MRGPRF: variants seen among roughly 807,000 people sequenced by gnomAD.
MRGPRF encodes MAS related GPR family member F.
In MRGPRF, 2 loss-of-function variants were observed where a neutral mutation model predicts 3.3. The observed-to-expected ratio is 0.61, with a 90% CI of 0.25 to 1.92. The LOEUF is 1.92. Among genes scored for constraint, MRGPRF ranks in the 40% most tolerant of loss-of-function variants. MRGPRF has a pLI of 0.16. For missense variants in MRGPRF, 500 were observed against 476.0 expected (o/e 1.05, Z -0.47); for synonymous variants, 242 against 222.7 (o/e 1.09, Z -0.77).
rs559563454 is a variant in MRGPRF at position 69,009,921 on chromosome 11, G to A, written c.-20C>T. The A allele has an allele frequency of 3.8e-6, 6 of 1,598,068 alleles. No homozygotes were observed. Among genetic ancestry groups the A allele is most frequent in the African/African-American group, 2.7e-5 (2 of 74,904 alleles). ...AGCCATCTCCAGGCCTGGCGCGTCT[G>A]GGCCCCTGCTGGCAGCTCACCAGTC... On this transcript the variant is annotated 5_prime_UTR_variant, in exon 2 of 3. Coordinates refer to ENST00000309099, the MANE Select transcript of MRGPRF (RefSeq NM_145015.5).
chr11:69,005,612 C>A lies in MRGPRF; in HGVS notation c.698G>T (p.Arg233Leu), dbSNP rs367925816. The A allele has an allele frequency of 1.8e-5, 28 of 1,566,352 alleles. No homozygotes were observed. The highest frequency in any genetic ancestry group is 5.4e-5 in the African/African-American group (4 of 73,570). The change falls in exon 3 of 3, where the codon CGC becomes CTC. Residue 233 changes from arginine to leucine, a missense_variant. Arg to Leu is a moderately radical substitution (Grantham distance 102). Coordinates refer to ENST00000309099, the MANE Select transcript of MRGPRF (RefSeq NM_145015.5). Reference sequence around the variant, plus strand: ...GATGACGTGGTTGAGCTTGGCAGAGCGCTGGCGCCGTCGGGCCCGGCACTC... The same window carrying A: ...GATGACGTGGTTGAGCTTGGCAGAGAGCTGGCGCCGTCGGGCCCGGCACTC... ...HVECRARRRQ[R>L]SAKLNHVILA... is the part of the protein sequence containing the mutation.
At chr11:69,010,293 G>C (rs1419972804) in intron 1 of MRGPRF, among the ~76,000 whole-genome samples, 1 of 152,296 alleles carries the variant, frequency 6.6e-6, no homozygotes, top group East Asian at 1.9e-4. Context: ...CACATTTTTG[G>C]GGCACTTCCT....
intron 1 of MRGPRF, among the ~76,000 whole-genome samples, chr11:69,010,495 C>T (rs1461156520): frequency 6.6e-6 from 1 of 152,224 alleles, no homozygotes; most frequent in Admixed American, 6.5e-5. Context: ...ACAGCCCGGT[C>T]ATCAGCATCA....
intron 1 of MRGPRF, among the ~76,000 whole-genome samples, chr11:69,010,393 G>A (rs1860570743): frequency 6.6e-6 from 1 of 152,240 alleles, no homozygotes; most frequent in Non-Finnish European, 1.5e-5. Flanking sequence ...CTGGCAGGGG[G>A]AACCTGCTGG....
Position 69,006,005 on chromosome 11 carries a change from A to C in MRGPRF, c.305T>G (p.Leu102Arg), listed in dbSNP as rs1159075967. ...CGTGCCCAGGAAGCCCCCCGTGTTC[A>C]GGATGGAGAACACCGCCTTGCTGAA... The part of the protein sequence containing the change: ...YLFSKAVFSI[L>R]NTGGFLGTFA... The change falls in exon 3 of 3, where the codon CTG (leucine) becomes CGG (arginine). Residue 102 changes from leucine to arginine, a missense_variant. Coordinates refer to ENST00000309099, the MANE Select transcript of MRGPRF (RefSeq NM_145015.5). 6.4e-7 allele frequency: 1 copy of C among 1,568,252 alleles called. No homozygotes were observed. Among genetic ancestry groups the C allele is most frequent in the Non-Finnish European group, 8.6e-7 (1 of 1,156,336 alleles).
In MRGPRF at chr11:69,005,259, T is replaced by G; in HGVS notation, c.*19A>C. ...TTGGAGGCCGCTTCCTGCCCCTGCC[T>G]CCTCCAGGCGCTGGAGTCTCAGGAG... is the stretch of plus-strand genomic sequence containing the variant. On this transcript the variant is annotated 3_prime_UTR_variant, in exon 3 of 3. Transcript: ENST00000309099. 1 of 1,464,484 alleles carries G rather than the reference T, an allele frequency of 6.8e-7. No individual in the cohort carries two copies. The highest frequency in any genetic ancestry group is 9.0e-7 in the Non-Finnish European group (1 of 1,114,384). 90.7% of individuals were successfully genotyped at this position (1,464,484 alleles called of 1,614,324 possible).
intron 2 of MRGPRF, 106 bp downstream of exon 2, chr11:69,009,748 G>T: frequency 7.2e-7 from 1 of 1,384,096 alleles, no homozygotes; most frequent in Non-Finnish European, 1.0e-6. Context: ...GAGCTGGAAA[G>T]TGGGGCCAGG....
At chr11:69,007,548 T>C (rs185927754) in intron 2 of MRGPRF, among the ~76,000 whole-genome samples, 65 of 152,358 alleles carry the variant, frequency 4.3e-4, no homozygotes, top group Admixed American at 3.3e-3. Flanking sequence ...AAAAAGCCTA[T>C]CTGTCAAGAG....
chr11:69,007,892 AAT>A (rs928744265), intron 2 of MRGPRF, among the ~76,000 whole-genome samples: 13 of 152,278 alleles, frequency 8.5e-5, no homozygotes, highest in Admixed American at 4.6e-4. Context: ...GAAGCATTTC[AAT>A]ACTTTAACTG....
intron 1 of MRGPRF, among the ~76,000 whole-genome samples, chr11:69,010,845 C>G (rs563805205): frequency 1.6e-4 from 24 of 152,120 alleles, no homozygotes; most frequent in Non-Finnish European, 3.4e-4. Flanking sequence ...TGCCTTGGGT[C>G]CTCTGGAATT....
intron 1 of MRGPRF, 113 bp from the exon 2 acceptor site, chr11:69,010,070 A>G (rs902697344): frequency 6.1e-6 from 4 of 655,698 alleles, no homozygotes; most frequent in Non-Finnish European, 1.0e-5. Flanking sequence ...CCTTAGAGGA[A>G]AGGCAATCAC....
Position 69,005,798 on chromosome 11 carries a change from G to C in MRGPRF, c.512C>G (p.Ser171Cys). The change falls in exon 3 of 3, where the codon TCC (serine) becomes TGC (cysteine). Residue 171 changes from serine to cysteine, a missense_variant. Transcript: ENST00000309099. ...GTTGTGCAGGCAGGTGACCAGGAGGGACAGGACCCACAGCAGGGCGCACAC... is the reference window on the plus strand; with the variant it reads ...GTTGTGCAGGCAGGTGACCAGGAGGCACAGGACCCACAGCAGGGCGCACAC... ...AVVCALLWVL[S>C]LLVTCLHNYF... 1 of 1,538,456 alleles carries C rather than the reference G, an allele frequency of 6.5e-7. No homozygotes were observed. The highest frequency in any genetic ancestry group is 1.2e-5 in the South Asian group (1 of 81,944).
In MRGPRF at chr11:69,006,300, G is replaced by A. The variant is rs370115129; in HGVS notation, c.49-39C>T. 656 of 1,556,374 alleles carry A rather than the reference G, an allele frequency of 4.2e-4. 1 individual carries two copies. Among genetic ancestry groups the A allele is most frequent in the Non-Finnish European group, 4.7e-4 (547 of 1,155,778 alleles). Reference sequence around the variant, plus strand: ...GAGAGGGACACCTGTGATGCCGGCTGGCCCCCACCCACAGACCTGCATCTG... The same window carrying A: ...GAGAGGGACACCTGTGATGCCGGCTAGCCCCCACCCACAGACCTGCATCTG... On this transcript the variant is annotated intron_variant, in intron 2 of 2. Transcript: ENST00000309099.
intron 1 of MRGPRF, among the ~76,000 whole-genome samples, chr11:69,011,422 C>A (rs1405881388): frequency 6.6e-6 from 1 of 152,242 alleles, no homozygotes; most frequent in Non-Finnish European, 1.5e-5. Flanking sequence ...CTGACTCAGC[C>A]TGGGGTCTTC....
rs943094356 is a variant in MRGPRF at position 69,006,137 on chromosome 11, C to A, written c.173G>T (p.Gly58Val). 6.2e-7 allele frequency: 1 copy of A among 1,614,086 alleles called. No homozygotes were observed. Among genetic ancestry groups the A allele is most frequent in the Admixed American group, 1.7e-5 (1 of 60,022 alleles). ...NYIFLLLCLC[G>V]LVGNGLVLWF... The stretch of plus-strand genomic sequence containing the variant: ...GAGGACCAGCCCGTTGCCCACCAGG[C>A]CACACAGGCAGAGGAGCAGGAAGAT... The change falls in exon 3 of 3, where the codon GGC (glycine) becomes GTC (valine). Residue 58 changes from glycine to valine, a missense_variant. Gly to Val is a moderately radical substitution (Grantham distance 109). Transcript: ENST00000309099.
In MRGPRF at chr11:69,006,201, G is replaced by A; in HGVS notation, c.109C>T (p.Gln37Ter). ...GCCGGAGGCGGCAGCATCGCGATCT[G>A]CTCGATGGTCAGGAAGCCCCGGCTG... ...LYSRGFLTIE[Q>*]IAMLPPPAVM... is the part of the protein sequence containing the mutation. Residue 37 changes from glutamine (Q) to a stop codon, truncating the protein, a stop_gained, in exon 3 of 3, where the codon CAG becomes TAG. Coordinates refer to ENST00000309099, the MANE Select transcript of MRGPRF (RefSeq NM_145015.5). LOFTEE classifies it low-confidence loss of function (END_TRUNC). 3.1e-6 allele frequency: 5 copies of A among 1,613,744 alleles called. No individual in the cohort carries two copies. The highest frequency in any genetic ancestry group is 3.4e-6 in the Non-Finnish European group (4 of 1,180,034).
At chr11:69,011,282 G>C (rs1269555064) in intron 1 of MRGPRF, among the ~76,000 whole-genome samples, 1 of 152,192 alleles carries the variant, frequency 6.6e-6, no homozygotes, top group Non-Finnish European at 1.5e-5. Context: ...GGTGGCGCAA[G>C]TGTGGCCCCA....
rs765199975 is a variant in MRGPRF, at chr11:69,005,796, G to A, written c.514C>T (p.Leu172Phe). ...VVCALLWVLS[L>F]LVTCLHNYFC... ...TAGTTGTGCAGGCAGGTGACCAGGA[G>A]GGACAGGACCCACAGCAGGGCGCAC... The change falls in exon 3 of 3, where the codon CTC becomes TTC. Residue 172 changes from leucine to phenylalanine, a missense_variant. Leu to Phe is a conservative substitution (Grantham distance 22). Transcript: ENST00000309099. 5.9e-6 allele frequency: 9 copies of A among 1,538,278 alleles called. No homozygotes were observed. Among genetic ancestry groups the A allele is most frequent in the Non-Finnish European group, 7.0e-6 (8 of 1,141,002 alleles).
rs1860468923 is a variant in MRGPRF, at chr11:69,005,841, T to G, written c.469A>C (p.Lys157Gln). The change falls in exon 3 of 3, where the codon AAG (lysine) becomes CAG (glutamine). Residue 157 changes from lysine to glutamine, a missense_variant. Coordinates refer to ENST00000309099, the MANE Select transcript of MRGPRF (RefSeq NM_145015.5). ...GCGCACACCACGGCCGACAGGCGCT[T>G]GGGCCGCCGGCGCCAGTACCAGGCG... ...FPAWYWRRRP[K>Q]RLSAVVCALL... 6.5e-7 allele frequency: 1 copy of G among 1,536,996 alleles called. No homozygotes were observed. The highest frequency in any genetic ancestry group is 8.7e-7 in the Non-Finnish European group (1 of 1,143,084).
Sources: allele counts gnomAD v4.1 joint callset (sites outside exome capture counted in the v4.1 genomes callset), GRCh38; gene constraint gnomAD v4.1.1; transcripts MANE v1.5; gene names NCBI Gene and HGNC (gene_info 2026-07-23, HGNC 2026-07-21).